PTPRD: variants seen among roughly 807,000 people sequenced by gnomAD.
The protein encoded by PTPRD is receptor-type tyrosine-protein phosphatase delta.
In PTPRD, 34 loss-of-function variants were observed where a neutral mutation model predicts 214.5. That is an observed-to-expected ratio of 0.16 (90% CI 0.12 to 0.21). The LOEUF is 0.21. Among genes scored for constraint, PTPRD ranks in the 10% least tolerant of loss-of-function variants. PTPRD has a pLI of 1.00. For missense variants in PTPRD, 2,545 were observed against 2,398.7 expected (o/e 1.06, Z -1.27); for synonymous variants, 1,128 against 845.7 (o/e 1.33, Z -5.79).
At chr9:9,747,743 G>C (rs1440872814) in intron 6 of PTPRD, among the ~76,000 whole-genome samples, 1 of 152,028 alleles carries the variant, frequency 6.6e-6, no homozygotes, top group Non-Finnish European at 1.5e-5. Context: ...AGTAGAGACA[G>C]GGTTTCACCA....
chr9:9,484,082 A>G (rs1207181207), intron 8 of PTPRD, among the ~76,000 whole-genome samples: 1 of 152,006 alleles, frequency 6.6e-6, no homozygotes, highest in Admixed American at 6.6e-5. Flanking sequence ...TAAGTAAAGA[A>G]AAATCTTTAA....
intron 7 of PTPRD, among the ~76,000 whole-genome samples, chr9:9,613,406 C>A (rs189382318): frequency 6.6e-6 from 1 of 151,872 alleles, no homozygotes; most frequent in African/African-American, 2.4e-5. Flanking sequence ...CCTTCACGAT[C>A]ATTGTCCCTG....
chr9:10,232,348 G>C (rs1014540647), intron 3 of PTPRD, among the ~76,000 whole-genome samples: 1 of 151,824 alleles, frequency 6.6e-6, no homozygotes. Flanking sequence ...TAAAACATTA[G>C]TAAAAAAAGA....
intron 43 of PTPRD, 56 bp from the exon 44 acceptor site, chr9:8,331,792 C>T (rs2131666282): frequency 6.6e-7 from 1 of 1,512,204 alleles, no homozygotes; most frequent in Non-Finnish European, 8.8e-7. Context: ...GAGGATTCAG[C>T]AAGCATACGG....
intron 10 of PTPRD, among the ~76,000 whole-genome samples, chr9:9,135,170 A>G (rs1281028756): frequency 6.6e-6 from 1 of 152,214 alleles, no homozygotes; most frequent in East Asian, 1.9e-4. Context: ...TTTTGCCTCA[A>G]TTTGCAGAAC....
chr9:8,407,033 A>C (rs1035758198), intron 35 of PTPRD, among the ~76,000 whole-genome samples: 1 of 152,212 alleles, frequency 6.6e-6, no homozygotes, highest in Non-Finnish European at 1.5e-5. Flanking sequence ...CTATTAACTG[A>C]AACAAACTGT....
intron 8 of PTPRD, among the ~76,000 whole-genome samples, chr9:9,534,102 G>C (rs1015247673): frequency 2.6e-5 from 4 of 152,002 alleles, no homozygotes; most frequent in African/African-American, 9.7e-5. Flanking sequence ...AGGGGCAAAA[G>C]AGAGTGCTCT....
In PTPRD at chr9:9,195,876, T is replaced by C. The variant is rs143574018; in HGVS notation, c.-202-12513A>G. 6.8e-4 allele frequency among the ~76,000 whole-genome samples: 104 copies of C among 152,266 alleles called. No homozygotes were observed. The East Asian group carries it at 9.8e-3, about 14-fold the overall frequency. On this transcript the variant is annotated intron_variant, in intron 9 of 45. Coordinates refer to ENST00000381196, the MANE Select transcript of PTPRD (RefSeq NM_002839.4). ...TGAAAACAGAGTTATAGGCTGGTCA[T>C]TGTTTCATTATTATTAAATACAAAG... is the stretch of plus-strand genomic sequence containing the variant.
At chr9:9,238,379 A>T (rs1308197412) in intron 9 of PTPRD, among the ~76,000 whole-genome samples, 1 of 152,104 alleles carries the variant, frequency 6.6e-6, no homozygotes, top group Non-Finnish European at 1.5e-5. Context: ...ACAGCAGTTC[A>T]TTAAGTAATT....
chr9:9,459,222 C>T (rs1482083392), intron 8 of PTPRD, among the ~76,000 whole-genome samples: 1 of 151,990 alleles, frequency 6.6e-6, no homozygotes, highest in South Asian at 2.1e-4. Flanking sequence ...CAAAAGCTAT[C>T]AACAACCAAG....
chr9:9,963,770 T>C (rs1273532767), intron 4 of PTPRD, among the ~76,000 whole-genome samples: 1 of 152,182 alleles, frequency 6.6e-6, no homozygotes, highest in Non-Finnish European at 1.5e-5. Context: ...GATGAACTTA[T>C]GGCTTCAATT....
intron 2 of PTPRD, among the ~76,000 whole-genome samples, chr9:10,580,583 T>C (rs1012028860): frequency 1.1e-4 from 17 of 152,170 alleles, no homozygotes; most frequent in African/African-American, 4.1e-4. Context: ...TGTCTGGAAT[T>C]TGGCAGTCTA....
At chr9:10,457,965 A>T (rs1344230008) in intron 2 of PTPRD, among the ~76,000 whole-genome samples, 1 of 152,054 alleles carries the variant, frequency 6.6e-6, no homozygotes, top group Non-Finnish European at 1.5e-5. Flanking sequence ...GAGAAAATTG[A>T]TACATTACTC....
intron 3 of PTPRD, among the ~76,000 whole-genome samples, chr9:10,035,747 AT>A (rs933149158): frequency 1.2e-4 from 18 of 151,968 alleles, no homozygotes; most frequent in Non-Finnish European, 2.9e-5. Context: ...TGGTGCCCAA[AT>A]ATGATAGCTT....
chr9:8,900,686 C>G (rs1310785371), intron 11 of PTPRD, among the ~76,000 whole-genome samples: 1 of 152,114 alleles, frequency 6.6e-6, no homozygotes, highest in Non-Finnish European at 1.5e-5. Context: ...TAAGGTCTTT[C>G]TGTAGAATCT....
intron 14 of PTPRD, among the ~76,000 whole-genome samples, chr9:8,618,900 G>T (rs1595408177): frequency 1.2e-4 from 14 of 118,922 alleles, no homozygotes; most frequent in African/African-American, 3.5e-4. Context: ...GTGTGTGTTT[G>T]TCTGTGTTTT....
chr9:8,426,732 G>GA (rs145393052), intron 35 of PTPRD, among the ~76,000 whole-genome samples: 4,984 of 147,542 alleles, frequency 0.034, 111 homozygotes, highest in East Asian at 0.12. Context: ...ACTCCCACAA[G>GA]AAAAAAACAA....
At chr9:10,285,665 C>T (rs1249758091) in intron 3 of PTPRD, among the ~76,000 whole-genome samples, 1 of 133,210 alleles carries the variant, frequency 7.5e-6, no homozygotes, top group Non-Finnish European at 1.5e-5. Flanking sequence ...GGCTGGAGGG[C>T]GGTGGTGCCA....
intron 8 of PTPRD, among the ~76,000 whole-genome samples, chr9:9,467,374 G>T (rs529328118): frequency 1.3e-5 from 2 of 150,718 alleles, no homozygotes; most frequent in East Asian, 3.9e-4. Flanking sequence ...GATCGTCTGA[G>T]GTCAGGAGTT....
Sources: allele counts gnomAD v4.1 joint callset (sites outside exome capture counted in the v4.1 genomes callset), GRCh38; gene constraint gnomAD v4.1.1; transcripts MANE v1.5; gene names NCBI Gene and HGNC (gene_info 2026-07-23, HGNC 2026-07-21).